Variants in KCNQ1 observed in about 807,000 individuals in gnomAD.
KCNQ1 encodes potassium voltage-gated channel subfamily Q member 1.
KCNQ1 carries 49 observed loss-of-function variants against 72.4 expected under a neutral mutation model. That is an observed-to-expected ratio of 0.68 (90% CI 0.54 to 0.86). The LOEUF (loss-of-function observed/expected upper bound fraction) is 0.86, where lower values mean the gene tolerates loss of function less well. Among genes scored for constraint, KCNQ1 ranks in the 40% least tolerant of loss-of-function variants. KCNQ1 has a pLI of 0.00. For missense variants in KCNQ1, 790 were observed against 945.1 expected (o/e 0.84, Z 2.15); for synonymous variants, 450 against 412.6 (o/e 1.09, Z -1.10).
rs530821319 is a variant in KCNQ1 at position 2,844,723 on chromosome 11, G to C, written c.1795-3044G>C. Among the ~76,000 whole-genome samples, 152 of 152,328 alleles carry C rather than the reference G, an allele frequency of 1.0e-3. 2 individuals are homozygous for C. In the South Asian group the frequency reaches 0.029, roughly 29 times the overall value. On this transcript the variant is annotated intron_variant, in intron 15 of 15. Coordinates refer to ENST00000155840, the MANE Select transcript of KCNQ1 (RefSeq NM_000218.3). ...TCTCTTTCTGTCCCAAGAATCCCCT[G>C]TGAAGGCCTCCACACCCATTAGCAC...
At chr11:2,590,359 C>T (rs1472649114) in intron 10 of KCNQ1, among the ~76,000 whole-genome samples, 1 of 152,248 alleles carries the variant, frequency 6.6e-6, no homozygotes, top group Non-Finnish European at 1.5e-5. Context: ...CACTGCAGCA[C>T]CAATGCAGAG....
At position 2,679,103 on chromosome 11, in the gene KCNQ1, T is replaced by G. The variant is rs2133878040; in HGVS notation, c.1514+17022T>G. 5.0e-6 allele frequency: 2 copies of G among 398,252 alleles called. No individual in the cohort carries two copies. Among genetic ancestry groups the G allele is most frequent in the Non-Finnish European group, 4.4e-6 (1 of 225,992 alleles). 24.7% of individuals were successfully genotyped at this position (398,252 alleles called of 1,614,324 possible). ...TAAAGTGTCATAGCTAGAGCTAGAG[T>G]GCTGTTATAAGCTGTGCAGGCCAAA... On this transcript the variant is annotated intron_variant, in intron 11 of 15. Transcript: ENST00000155840. The surrounding 1 kb of genome is among the most constrained non-coding windows in gnomAD (Gnocchi z 4.8).
intron 15 of KCNQ1, among the ~76,000 whole-genome samples, chr11:2,832,528 G>A (rs1338921701): frequency 6.6e-6 from 1 of 152,204 alleles, no homozygotes; most frequent in African/African-American, 2.4e-5. Flanking sequence ...CAGGGAGATG[G>A]GACGCAGTCC....
intron 11 of KCNQ1, among the ~76,000 whole-genome samples, chr11:2,758,853 G>A (rs1453066995): frequency 6.6e-6 from 1 of 152,212 alleles, no homozygotes. Context: ...CCAGGCTGTA[G>A]GGATGGAGAT....
At position 2,451,394 on chromosome 11, in the gene KCNQ1, T is replaced by C. The variant is rs1846117177; in HGVS notation, c.386+5910T>C. On this transcript the variant is annotated intron_variant, in intron 1 of 15. Coordinates refer to ENST00000155840, the MANE Select transcript of KCNQ1 (RefSeq NM_000218.3). This position sits in a 1 kb window ranked among gnomAD's most constrained non-coding sequence, Gnocchi z 6.4. ...GTGGCCGTGCACATTCACCTGACGC[T>C]CACTCACTGCTGTGCGGCCTGCTCC... 6.6e-6 allele frequency among the ~76,000 whole-genome samples: 1 copy of C among 152,144 alleles called. No homozygotes were observed. Among genetic ancestry groups the C allele is most frequent in the Non-Finnish European group, 1.5e-5 (1 of 68,032 alleles).
In KCNQ1 at chr11:2,748,524, G is replaced by A. The variant is rs752451372; in HGVS notation, c.1515-20320G>A. Among the ~76,000 whole-genome samples the A allele has an allele frequency of 2.1e-4, 32 of 152,206 alleles. No individual in the cohort carries two copies. Among genetic ancestry groups the A allele is most frequent in the African/African-American group, 5.1e-4 (21 of 41,456 alleles). On this transcript the variant is annotated intron_variant, in intron 11 of 15. Transcript: ENST00000155840. The surrounding 1 kb of genome is among the most constrained non-coding windows in gnomAD (Gnocchi z 6.2). Reference sequence around the variant, plus strand: ...GGTGAGCCCGAGGGCCCAGCTGGGCGTCCACGTGGAGGTGTGGGGCCCGGG... The same window carrying A: ...GGTGAGCCCGAGGGCCCAGCTGGGCATCCACGTGGAGGTGTGGGGCCCGGG...
At chr11:2,789,660 G>A (rs1376053369) in intron 15 of KCNQ1, among the ~76,000 whole-genome samples, 1 of 152,202 alleles carries the variant, frequency 6.6e-6, no homozygotes, top group Non-Finnish European at 1.5e-5. Context: ...TGGGGCCGTC[G>A]GCCTCCCCCT....
rs886847911 is a variant in KCNQ1, at chr11:2,809,730, C to G, written c.1794+31693C>G. On this transcript the variant is annotated intron_variant, in intron 15 of 15. Transcript: ENST00000155840. The surrounding 1 kb of genome is among the most constrained non-coding windows in gnomAD (Gnocchi z 7.1). ...CATCTCCACCACGTGCTCAACACTCCAGGCCAGAGCCCTTCTCTCAAATCC... is the reference window on the plus strand; with the variant it reads ...CATCTCCACCACGTGCTCAACACTCGAGGCCAGAGCCCTTCTCTCAAATCC... 2.0e-5 allele frequency among the ~76,000 whole-genome samples: 3 copies of G among 152,196 alleles called. No homozygotes were observed. The highest frequency in any genetic ancestry group is 4.4e-5 in the Non-Finnish European group (3 of 68,040).
At chr11:2,512,508 C>A (rs746706222) in intron 1 of KCNQ1, among the ~76,000 whole-genome samples, 19 of 152,266 alleles carry the variant, frequency 1.2e-4, no homozygotes, top group Non-Finnish European at 2.1e-4. Flanking sequence ...TCCCAGTCTT[C>A]CCTCAAGACA....
In KCNQ1 at chr11:2,587,626, C is replaced by T. The variant is rs764870839; in HGVS notation, c.1185C>T (p.Tyr395=). ...CCGACTCCTCCACCTGGAAGATCTACATCCGGAAGGCCCCCCGGAGCCACA... is the reference window on the plus strand; with the variant it reads ...CCGACTCCTCCACCTGGAAGATCTATATCCGGAAGGCCCCCCGGAGCCACA... ...ENPDSSTWKI[Y]IRKAPRSHTL... is the part of the protein sequence containing the mutation. The change falls in exon 9 of 16, where the codon TAC becomes TAT. Residue 395 remains tyrosine, a synonymous_variant. Coordinates refer to ENST00000155840, the MANE Select transcript of KCNQ1 (RefSeq NM_000218.3). The T allele has an allele frequency of 5.0e-6, 8 of 1,613,898 alleles. No individual in the cohort carries two copies. The African/African-American group carries it at 5.3e-5, about 11-fold the overall frequency.
chr11:2,736,141 T>C lies in KCNQ1; in HGVS notation c.1515-32703T>C, dbSNP rs1470304944. Among the ~76,000 whole-genome samples the C allele has an allele frequency of 2.6e-5, 4 of 152,266 alleles. No homozygotes were observed. In the East Asian group the frequency reaches 7.7e-4, roughly 29 times the overall value. ...GGGGGCTCATTGGGCAGAACCTACCTGGGAAGGGGCCCAGGCTTCCTGCCT... is the reference window on the plus strand; with the variant it reads ...GGGGGCTCATTGGGCAGAACCTACCCGGGAAGGGGCCCAGGCTTCCTGCCT... On this transcript the variant is annotated intron_variant, in intron 11 of 15. Coordinates refer to ENST00000155840, the MANE Select transcript of KCNQ1 (RefSeq NM_000218.3).
intron 11 of KCNQ1, among the ~76,000 whole-genome samples, chr11:2,733,978 C>G (rs954588580): frequency 6.6e-6 from 1 of 151,954 alleles, no homozygotes; most frequent in African/African-American, 2.4e-5. Flanking sequence ...AGGCCTCAAC[C>G]CACGCTTCCC....
rs1847319344 is a variant in KCNQ1, at chr11:2,803,718, C to T, written c.1794+25681C>T. 6.6e-6 allele frequency among the ~76,000 whole-genome samples: 1 copy of T among 152,206 alleles called. No individual in the cohort carries two copies. Among genetic ancestry groups the T allele is most frequent in the Non-Finnish European group, 1.5e-5 (1 of 68,030 alleles). On this transcript the variant is annotated intron_variant, in intron 15 of 15. Coordinates refer to ENST00000155840, the MANE Select transcript of KCNQ1 (RefSeq NM_000218.3). The surrounding 1 kb of genome is among the most constrained non-coding windows in gnomAD (Gnocchi z 6.4). The stretch of plus-strand genomic sequence containing the variant: ...CCTGCCCAGACTTGCCAGGGAGCTC[C>T]TGTGCCCTTCTTTCTCCTGGCCTCT...
At position 2,613,380 on chromosome 11, in the gene KCNQ1, G is replaced by A; in HGVS notation, c.1393+24526G>A. 5.0e-6 allele frequency: 2 copies of A among 398,498 alleles called. No individual in the cohort carries two copies. Among genetic ancestry groups the A allele is most frequent in the Non-Finnish European group, 8.8e-6 (2 of 226,036 alleles). The allele number at this position is 398,498 out of a possible 1,614,324, so 24.7% of individuals were successfully genotyped here. On this transcript the variant is annotated intron_variant, in intron 10 of 15. Transcript: ENST00000155840. This position sits in a 1 kb window ranked among gnomAD's most constrained non-coding sequence, Gnocchi z 4.8. Reference sequence around the variant, plus strand: ...GAAACATTAGGTTGCTGTGATGTGGGTTGCCTCCAATTATTTGCCACTGAA... The same window carrying A: ...GAAACATTAGGTTGCTGTGATGTGGATTGCCTCCAATTATTTGCCACTGAA...
At chr11:2,648,663 A>G in intron 10 of KCNQ1, 1 of 398,524 alleles carries the variant, frequency 2.5e-6, no homozygotes, top group Non-Finnish European at 4.4e-6. Flanking sequence ...ACTTTTAAAA[A>G]TTTATTGAGA....
Position 2,612,296 on chromosome 11 carries a change from A to C in KCNQ1, c.1393+23442A>C. ...AGCATGTGAGGGATCTAGGTTGTGC[A>C]CTCCGTATGAGAATCTAACTAAAGC... On this transcript the variant is annotated intron_variant, in intron 10 of 15. Transcript: ENST00000155840. The surrounding 1 kb of genome is among the most constrained non-coding windows in gnomAD (Gnocchi z 5.5). 1 of 398,600 alleles carries C rather than the reference A, an allele frequency of 2.5e-6. No homozygotes were observed. The highest frequency in any genetic ancestry group is 4.4e-6 in the Non-Finnish European group (1 of 226,078). 24.7% of individuals were successfully genotyped at this position (398,600 alleles called of 1,614,324 possible). A position where few individuals can be genotyped will look rare whatever the true frequency, so the allele number is the denominator to read the frequency against.
intron 1 of KCNQ1, among the ~76,000 whole-genome samples, chr11:2,522,565 G>A (rs139813102): frequency 2.6e-5 from 4 of 152,316 alleles, no homozygotes; most frequent in African/African-American, 9.6e-5. Flanking sequence ...TAGATAAAGC[G>A]GTAAATAAGA....
chr11:2,847,927 T>G lies in KCNQ1; in HGVS notation c.1955T>G (p.Leu652Arg). ...AGTGGCGGCTCCGTCGACCCTGAGC[T>G]CTTCCTGCCCAGCAACACCCTGCCC... Reference protein sequence around the residue: ...CGSGGSVDPELFLPSNTLPTY... With the variant: ...CGSGGSVDPERFLPSNTLPTY... The change falls in exon 16 of 16, where the codon CTC (leucine) becomes CGC (arginine). Residue 652 changes from leucine (L) to arginine (R), a missense_variant. Physicochemically the swap from Leu to Arg is moderately radical, Grantham distance 102. Around this residue, in one of 5 missense-constraint regions of KCNQ1, gnomAD observed 94 missense variants for 85.2 expected, o/e 1.10. Coordinates refer to ENST00000155840, the MANE Select transcript of KCNQ1 (RefSeq NM_000218.3). 3 of 1,575,580 alleles carry G rather than the reference T, an allele frequency of 1.9e-6. No homozygotes were observed. The highest frequency in any genetic ancestry group is 2.6e-6 in the Non-Finnish European group (3 of 1,160,228).
intron 11 of KCNQ1, among the ~76,000 whole-genome samples, chr11:2,765,664 A>G (rs943163891): frequency 6.6e-6 from 1 of 152,186 alleles, no homozygotes; most frequent in Non-Finnish European, 1.5e-5. Flanking sequence ...TTTTAGGTGC[A>G]TACAAATTTA....
Sources: gnomAD v4.1 joint callset for allele counts (sites outside exome capture counted in the v4.1 genomes callset) on GRCh38, gnomAD v4.1.1 for gene constraint, gnomAD v4.1.1 regional missense constraint, Gnocchi (gnomAD v3.1) non-coding constraint, MANE v1.5 for transcripts, NCBI Gene and HGNC (gene_info 2026-07-23, HGNC 2026-07-21) for gene names.